Variants in ARL14EP observed in about 807,000 individuals in gnomAD.
The protein encoded by ARL14EP is ARL14 effector protein.
ARL14EP carries 12 observed loss-of-function variants against 23.1 expected under a neutral mutation model. The ratio of observed to expected loss-of-function variants is 0.52; its 90% CI spans 0.33 to 0.84. The LOEUF (loss-of-function observed/expected upper bound fraction) is 0.84, where lower values mean the gene tolerates loss of function less well. Among genes scored for constraint, ARL14EP ranks in the 40% least tolerant of loss-of-function variants. The pLI is 0.02. For missense variants in ARL14EP, 253 were observed against 307.3 expected (o/e 0.82, Z 1.32); for synonymous variants, 97 against 102.0 (o/e 0.95, Z 0.29).
chr11:30,325,014 A>G (rs1211553937), intron 1 of ARL14EP, among the ~76,000 whole-genome samples: 1 of 152,238 alleles, frequency 6.6e-6, no homozygotes, highest in East Asian at 1.9e-4. Flanking sequence ...TCAGATAAGA[A>G]ATCTGGACTT....
chr11:30,330,645 T>C (rs1445372787), intron 1 of ARL14EP: 2 of 300,988 alleles, frequency 6.6e-6, no homozygotes, highest in East Asian at 1.6e-4. Flanking sequence ...ATTTCTTATT[T>C]CCTCCTTTTT....
chr11:30,332,774 G>T, intron 2 of ARL14EP, 92 bp from the exon 3 acceptor site: 2 of 1,481,808 alleles, frequency 1.3e-6, no homozygotes, highest in East Asian at 2.4e-5. Context: ...TGTCTTCCAT[G>T]TTAGGGAATC....
In ARL14EP at chr11:30,337,504, A is replaced by T. The variant is rs978806596; in HGVS notation, c.*709A>T. ...TCAAACATAAATGAATTTGTAGAAG[A>T]AGTCACTGACCATGGGAATGTTGTT... On this transcript the variant is annotated 3_prime_UTR_variant, in exon 4 of 4. Coordinates refer to ENST00000282032, the MANE Select transcript of ARL14EP (RefSeq NM_152316.3). The T allele has an allele frequency of 6.6e-6, 1 of 152,346 alleles. No homozygotes were observed. Among genetic ancestry groups the T allele is most frequent in the African/African-American group, 2.4e-5 (1 of 41,468 alleles). 9.4% of individuals were successfully genotyped at this position (152,346 alleles called of 1,614,324 possible). A position where few individuals can be genotyped will look rare whatever the true frequency, so the allele number is the denominator to read the frequency against.
chr11:30,325,243 G>C (rs1231285101), intron 1 of ARL14EP, among the ~76,000 whole-genome samples: 1 of 152,180 alleles, frequency 6.6e-6, no homozygotes, highest in African/African-American at 2.4e-5. Flanking sequence ...GAACCTGGGG[G>C]AAGGAGAGAA....
chr11:30,334,110 A>G (rs183017464), intron 3 of ARL14EP, among the ~76,000 whole-genome samples: 85 of 152,258 alleles, frequency 5.6e-4, no homozygotes, highest in African/African-American at 2.0e-3. Context: ...GGGTAAGGAA[A>G]GAAGCCATCT....
intron 3 of ARL14EP, 138 bp downstream of exon 3, chr11:30,333,131 G>A (rs977249200): frequency 7.7e-6 from 9 of 1,165,274 alleles, no homozygotes; most frequent in Non-Finnish European, 1.1e-5. Flanking sequence ...ACCTATGAAG[G>A]CCTTTGTTTT....
intron 1 of ARL14EP, chr11:30,328,089 C>G (rs1947253295): frequency 6.6e-6 from 1 of 151,712 alleles, no homozygotes; most frequent in South Asian, 2.1e-4. Flanking sequence ...TTTCCTTTTT[C>G]TCCTCCTTAA....
At chr11:30,327,845 G>T (rs529772941) in intron 1 of ARL14EP, among the ~76,000 whole-genome samples, 2 of 151,088 alleles carry the variant, frequency 1.3e-5, no homozygotes, top group Admixed American at 1.3e-4. Context: ...GCGTGGTGGC[G>T]GGCACCTGTA....
chr11:30,325,236 C>G (rs907109661), intron 1 of ARL14EP, among the ~76,000 whole-genome samples: 1 of 152,096 alleles, frequency 6.6e-6, no homozygotes, highest in Non-Finnish European at 1.5e-5. Flanking sequence ...AGCTCAGGAA[C>G]CTGGGGGAAG....
At chr11:30,324,458 AC>A (rs1239636567) in intron 1 of ARL14EP, among the ~76,000 whole-genome samples, 1 of 152,188 alleles carries the variant, frequency 6.6e-6, no homozygotes, top group African/African-American at 2.4e-5. Flanking sequence ...CATCTCCCCT[AC>A]AAATTTAGGA....
At chr11:30,332,595 G>A (rs927342163) in intron 2 of ARL14EP, among the ~76,000 whole-genome samples, 3 of 152,122 alleles carry the variant, frequency 2.0e-5, no homozygotes, top group Non-Finnish European at 4.4e-5. Context: ...AGCCATTGCA[G>A]TTTTCACAAT....
rs36111177 is a variant in ARL14EP, at chr11:30,334,208, CTTTTTTTTTTTTTTTTT to C, written c.554+1224_554+1240del. 5.8e-5 allele frequency among the ~76,000 whole-genome samples: 5 copies of C among 86,042 alleles called. No individual in the cohort carries two copies. In the East Asian group the frequency reaches 3.7e-3, roughly 63 times the overall value. The allele number at this position is 86,042 out of a possible 152,430, so 56.4% of individuals were successfully genotyped here. ...CAGATTTTCAATGTAGACCAGCCTTCTTTTTTTTTTTTTTTTTTTTTTTTTGAGATGGAGTCTTGCTC... is the reference window on the plus strand; with the variant it reads ...CAGATTTTCAATGTAGACCAGCCTTCTTTTTTTTGAGATGGAGTCTTGCTC... On this transcript the variant is annotated intron_variant, in intron 3 of 3. Transcript: ENST00000282032.
intron 1 of ARL14EP, among the ~76,000 whole-genome samples, chr11:30,323,408 C>T (rs980419938): frequency 2.6e-5 from 4 of 152,220 alleles, no homozygotes; most frequent in African/African-American, 9.7e-5. Context: ...CGCCTTGTGT[C>T]AAAGCCCAGC....
chr11:30,330,939 A>G lies in ARL14EP; in HGVS notation c.-10A>G. ...GACAAAATAAAACGGAAAATTTGCT[A>G]GAATCAAGAATGATGGATCCATGTT... On this transcript the variant is annotated 5_prime_UTR_variant, in exon 2 of 4. Transcript: ENST00000282032. 6.2e-7 allele frequency: 1 copy of G among 1,613,390 alleles called. No homozygotes were observed. Among genetic ancestry groups the G allele is most frequent in the Non-Finnish European group, 8.5e-7 (1 of 1,179,594 alleles).
At chr11:30,336,300 A>G (rs1947331302) in intron 3 of ARL14EP, among the ~76,000 whole-genome samples, 2 of 152,142 alleles carry the variant, frequency 1.3e-5, no homozygotes, top group African/African-American at 2.4e-5. Context: ...TTGTTTGTTT[A>G]AAGTAAAGGG....
In ARL14EP at chr11:30,337,692, A is replaced by G. The variant is rs1417858356; in HGVS notation, c.*897A>G. 6.6e-6 allele frequency: 1 copy of G among 152,246 alleles called. No individual in the cohort carries two copies. Among genetic ancestry groups the G allele is most frequent in the South Asian group, 2.1e-4 (1 of 4,836 alleles). 9.4% of individuals were successfully genotyped at this position (152,246 alleles called of 1,614,324 possible). ...AATGTGAATATAGAAATATTTCACA[A>G]CATTGAAAGCACAAGCAATAAAAGG... On this transcript the variant is annotated 3_prime_UTR_variant, in exon 4 of 4. Transcript: ENST00000282032.
intron 1 of ARL14EP, chr11:30,329,712 G>A (rs1393631578): frequency 6.6e-6 from 1 of 152,170 alleles, no homozygotes; most frequent in South Asian, 2.1e-4. Flanking sequence ...ATTGGCTTTT[G>A]TTCTCTTTCT....
intron 1 of ARL14EP, among the ~76,000 whole-genome samples, chr11:30,324,798 C>G (rs1278229712): frequency 6.6e-6 from 1 of 152,218 alleles, no homozygotes; most frequent in Non-Finnish European, 1.5e-5. Context: ...CTTTTGTTTA[C>G]TGCCTAAGGT....
rs1463794416 is a variant in ARL14EP, at chr11:30,336,588, T to G, written c.576T>G (p.Ser192Arg). The change falls in exon 4 of 4, where the codon AGT (serine) becomes AGG (arginine). Residue 192 changes from serine to arginine, a missense_variant. Physicochemically the swap from Ser to Arg is moderately radical, Grantham distance 110 (BLOSUM62 -1). Transcript: ENST00000282032. ...GSDRQVIPAK[S>R]KVYDSQGLLI... ...ACAGACAAGTGATACCAGCAAAGAG[T>G]AAGGTCTATGATAGCCAGGGTCTCC... is the stretch of plus-strand genomic sequence containing the variant. 6.2e-7 allele frequency: 1 copy of G among 1,613,412 alleles called. No individual in the cohort carries two copies. Among genetic ancestry groups the G allele is most frequent in the Non-Finnish European group, 8.5e-7 (1 of 1,179,734 alleles).
Sources: allele counts gnomAD v4.1 joint callset (sites outside exome capture counted in the v4.1 genomes callset), GRCh38; gene constraint gnomAD v4.1.1; transcripts MANE v1.5; gene names NCBI Gene and HGNC (gene_info 2026-07-23, HGNC 2026-07-21).